IFT56: variants seen among roughly 807,000 people sequenced by gnomAD.
IFT56 encodes intraflagellar transport protein 56.
At chr7:139,147,095 A>G in the IFT56 span, 3 of 1,605,940 alleles carry the variant, frequency 1.9e-6, no homozygotes, top group South Asian at 3.3e-5. Context: ...GATTTCTCTA[A>G]CAACACTAAT....
chr7:139,141,928 C>T, the IFT56 span, among the ~76,000 whole-genome samples: 453 of 152,288 alleles, frequency 3.0e-3, 1 homozygote, highest in Non-Finnish European at 5.3e-3. Flanking sequence ...TGTCTCTTAC[C>T]ACTGTTTGGT....
the IFT56 span, chr7:139,148,371 A>T: frequency 6.2e-7 from 1 of 1,608,046 alleles, no homozygotes; most frequent in East Asian, 2.2e-5. Flanking sequence ...ATGGCAGAGC[A>T]GCTGAGGTAT....
chr7:139,156,536 A>G, the IFT56 span, among the ~76,000 whole-genome samples: 3 of 151,754 alleles, frequency 2.0e-5, no homozygotes, highest in Admixed American at 2.0e-4. Context: ...ATTTATCTCA[A>G]AGTATTTTCT....
chr7:139,188,408 T>G, the IFT56 span, among the ~76,000 whole-genome samples: 1 of 152,134 alleles, frequency 6.6e-6, no homozygotes, highest in African/African-American at 2.4e-5. Context: ...GCCTATAGTT[T>G]CATTTGAAAC....
At chr7:139,153,464 A>G in the IFT56 span, among the ~76,000 whole-genome samples, 1 of 151,042 alleles carries the variant, frequency 6.6e-6, no homozygotes, top group Admixed American at 6.6e-5. Context: ...AAAAAAAGTC[A>G]TACTCTTCAG....
the IFT56 span, among the ~76,000 whole-genome samples, chr7:139,144,026 C>T: frequency 6.6e-6 from 1 of 152,060 alleles, no homozygotes; most frequent in Non-Finnish European, 1.5e-5. Context: ...TTTCTAATCC[C>T]ATAAGACTGT....
chr7:139,157,261 C>T, the IFT56 span, among the ~76,000 whole-genome samples: 4 of 150,430 alleles, frequency 2.7e-5, no homozygotes, highest in East Asian at 3.9e-4. Flanking sequence ...ATTCTCCTGC[C>T]TCAGCCTCCT....
chr7:139,138,553 C>A, the IFT56 span, among the ~76,000 whole-genome samples: 100 of 152,202 alleles, frequency 6.6e-4, no homozygotes, highest in African/African-American at 2.2e-3. Context: ...TACATGCATA[C>A]CAATGAGATT....
the IFT56 span, among the ~76,000 whole-genome samples, chr7:139,153,652 C>A: frequency 6.6e-6 from 1 of 152,164 alleles, no homozygotes; most frequent in African/African-American, 2.4e-5. Context: ...GTTGTAGCAT[C>A]TATCAGTATT....
chr7:139,137,995 C>T, the IFT56 span: 1 of 1,056,416 alleles, frequency 9.5e-7, no homozygotes, highest in Non-Finnish European at 1.4e-6. Flanking sequence ...TGTTATTAAA[C>T]TTTATATTAT....
the IFT56 span, among the ~76,000 whole-genome samples, chr7:139,185,064 A>AG: frequency 6.6e-6 from 1 of 151,466 alleles, no homozygotes; most frequent in East Asian, 1.9e-4. Context: ...AAAAAAAAAA[A>AG]AAAAAGTAGC....
chr7:139,161,458 C>T, the IFT56 span: 1 of 155,022 alleles, frequency 6.5e-6, no homozygotes, highest in Non-Finnish European at 1.4e-5. Flanking sequence ...TAAATTTGTA[C>T]TGGGGAATAG....
the IFT56 span, among the ~76,000 whole-genome samples, chr7:139,180,215 T>TC: frequency 2.0e-5 from 3 of 151,934 alleles, no homozygotes; most frequent in Admixed American, 6.6e-5. Context: ...TGGGCGCCTG[T>TC]AGTCCCAGCT....
the IFT56 span, chr7:139,173,243 TTGA>T: frequency 2.1e-6 from 1 of 472,382 alleles, no homozygotes; most frequent in Non-Finnish European, 3.8e-6. Flanking sequence ...TTTTTTTTTT[TTGA>T]GATGGAGTCT....
At chr7:139,146,937 G>A in the IFT56 span, 18 of 1,457,886 alleles carry the variant, frequency 1.2e-5, no homozygotes, top group African/African-American at 1.3e-4. Flanking sequence ...TTCCATTGTC[G>A]TTGTCAAGCT....
the IFT56 span, among the ~76,000 whole-genome samples, chr7:139,136,495 C>A: frequency 6.6e-6 from 1 of 152,070 alleles, no homozygotes; most frequent in Non-Finnish European, 1.5e-5. Flanking sequence ...TGTCACCCAG[C>A]CTGGAATGCA....
chr7:139,153,254 C>T, the IFT56 span, among the ~76,000 whole-genome samples: 2 of 151,936 alleles, frequency 1.3e-5, no homozygotes, highest in Non-Finnish European at 2.9e-5. Context: ...AGTTAGAGAC[C>T]AGCCTGGCCA....
the IFT56 span, among the ~76,000 whole-genome samples, chr7:139,139,092 G>A: frequency 2.6e-5 from 4 of 152,278 alleles, no homozygotes; most frequent in South Asian, 2.1e-4. Flanking sequence ...GATTACAGGC[G>A]TGAGCCACTG....
the IFT56 span, among the ~76,000 whole-genome samples, chr7:139,162,728 A>G: frequency 1.3e-5 from 2 of 152,012 alleles, no homozygotes; most frequent in African/African-American, 4.8e-5. Flanking sequence ...TGGGAGGCCA[A>G]GGCGGGTGGA....
Sources: allele counts gnomAD v4.1 joint callset (sites outside exome capture counted in the v4.1 genomes callset), GRCh38; gene constraint gnomAD v4.1.1; transcripts MANE v1.5; gene names NCBI Gene and HGNC (gene_info 2026-07-23, HGNC 2026-07-21).